Variants in TTC28 observed in about 807,000 individuals in gnomAD.
The protein encoded by TTC28 is tetratricopeptide repeat domain 28, also known as tetratricopeptide repeat protein 28.
Under a neutral mutation model 198.0 loss-of-function variants are expected in TTC28, and 61 were observed. The observed-to-expected ratio is 0.31, with a 90% CI of 0.25 to 0.38. The LOEUF is 0.38. TTC28 is among the 10% of genes least tolerant of loss of function. The pLI, the probability that TTC28 is intolerant of heterozygous loss-of-function variation, is 1.00. For synonymous variants in TTC28, 1,171 were observed against 1,297.8 expected, an observed-to-expected ratio of 0.90 and a Z score of 2.10; for missense variants, 2,678 against 3,164.0, an observed-to-expected ratio of 0.85 and a Z score of 3.69.
chr22:28,403,780 T>C (rs1311237519), intron 2 of TTC28, among the ~76,000 whole-genome samples: 1 of 152,228 alleles, frequency 6.6e-6, no homozygotes, highest in Non-Finnish European at 1.5e-5. Context: ...CAGGTTTTAC[T>C]CGGTTTCTTG....
intron 6 of TTC28, among the ~76,000 whole-genome samples, chr22:28,124,877 T>G (rs1942877487): frequency 6.6e-6 from 1 of 152,176 alleles, no homozygotes; most frequent in African/African-American, 2.4e-5. Context: ...TCCTATAGGT[T>G]CCCCAATTCA....
At chr22:28,461,770 C>G (rs2047954189) in intron 2 of TTC28, among the ~76,000 whole-genome samples, 1 of 152,172 alleles carries the variant, frequency 6.6e-6, no homozygotes, top group Non-Finnish European at 1.5e-5. Flanking sequence ...CCTATCCTCT[C>G]TCACCAATCC....
At chr22:28,425,088 AAC>A (rs1245516492) in intron 2 of TTC28, among the ~76,000 whole-genome samples, 1 of 152,222 alleles carries the variant, frequency 6.6e-6, no homozygotes, top group East Asian at 1.9e-4. Context: ...ACATTTCTAA[AAC>A]ACAGTTCTTT....
chr22:28,015,607 G>A (rs56358816), intron 13 of TTC28, among the ~76,000 whole-genome samples: 2 of 139,282 alleles, frequency 1.4e-5, no homozygotes, highest in Non-Finnish European at 3.1e-5. Context: ...ATTTTTTTTT[G>A]TAGAGATGGG....
intron 3 of TTC28, among the ~76,000 whole-genome samples, chr22:28,301,068 T>G: frequency 6.8e-6 from 1 of 147,730 alleles, no homozygotes; most frequent in African/African-American, 2.7e-5. Flanking sequence ...TTTAAAAATT[T>G]TTTACTATCA....
chr22:28,613,415 T>C (rs192965878), intron 2 of TTC28, among the ~76,000 whole-genome samples: 25 of 152,002 alleles, frequency 1.6e-4, no homozygotes, highest in African/African-American at 5.6e-4. Context: ...TTCCAAACAA[T>C]AGAAAAAGAG....
At chr22:28,659,553 T>C (rs533918854) in intron 1 of TTC28, among the ~76,000 whole-genome samples, 1 of 151,934 alleles carries the variant, frequency 6.6e-6, no homozygotes, top group South Asian at 2.1e-4. Flanking sequence ...CAGGTCAAAA[T>C]TACTATTTAT....
At chr22:28,017,707 T>C (rs894449990) in intron 13 of TTC28, among the ~76,000 whole-genome samples, 2 of 152,126 alleles carry the variant, frequency 1.3e-5, no homozygotes, top group African/African-American at 4.8e-5. Context: ...GCAGTACCTC[T>C]TACCTCTTTA....
intron 8 of TTC28, among the ~76,000 whole-genome samples, chr22:28,102,391 C>G (rs1269871322): frequency 1.3e-5 from 2 of 152,226 alleles, no homozygotes; most frequent in Non-Finnish European, 2.9e-5. Flanking sequence ...AGCCTTCAGG[C>G]AGGCACCTGC....
At chr22:28,186,267 A>G (rs879687850) in intron 5 of TTC28, among the ~76,000 whole-genome samples, 10 of 152,272 alleles carry the variant, frequency 6.6e-5, no homozygotes, top group Non-Finnish European at 1.3e-4. Context: ...CAACCTGCCC[A>G]TAAGTGTAGA....
intron 5 of TTC28, among the ~76,000 whole-genome samples, chr22:28,238,063 T>C (rs780910972): frequency 6.6e-6 from 1 of 152,188 alleles, no homozygotes; most frequent in Non-Finnish European, 1.5e-5. Flanking sequence ...AGTTTGATTA[T>C]GTTGTGCCTA....
intron 12 of TTC28, among the ~76,000 whole-genome samples, chr22:28,088,018 C>T (rs1941675607): frequency 6.6e-6 from 1 of 152,102 alleles, no homozygotes; most frequent in Non-Finnish European, 1.5e-5. Context: ...AAAGAGGATA[C>T]AAACAAATGG....
chr22:28,267,723 C>T (rs1430731394), intron 5 of TTC28, among the ~76,000 whole-genome samples: 4 of 152,066 alleles, frequency 2.6e-5, no homozygotes, highest in Admixed American at 6.6e-5. Context: ...ATGAATTAAA[C>T]CTGCAGTACC....
chr22:28,333,141 C>T (rs1246635483), intron 2 of TTC28, among the ~76,000 whole-genome samples: 3 of 152,068 alleles, frequency 2.0e-5, no homozygotes, highest in Non-Finnish European at 4.4e-5. Flanking sequence ...TTTTAAATTA[C>T]AAGAACCGAT....
intron 2 of TTC28, among the ~76,000 whole-genome samples, chr22:28,439,298 C>T (rs1293577029): frequency 6.6e-6 from 1 of 152,166 alleles, no homozygotes; most frequent in Non-Finnish European, 1.5e-5. Context: ...ACTCTAAATG[C>T]TCCAAGAATT....
In TTC28 at chr22:28,187,200, C is replaced by T. The variant is rs988772028; in HGVS notation, c.934-23601G>A. On this transcript the variant is annotated intron_variant, in intron 5 of 22. Coordinates refer to ENST00000397906, the MANE Select transcript of TTC28 (RefSeq NM_001145418.2). ...AAGAGTGAGAGGAACTATCATTGAC[C>T]GAGGGTAAGAGGTTAAGGTTAACTT... 6.6e-5 allele frequency among the ~76,000 whole-genome samples: 10 copies of T among 152,032 alleles called. No homozygotes were observed. The South Asian group carries it at 8.3e-4, about 13-fold the overall frequency.
chr22:28,558,788 T>C (rs1041960315), intron 2 of TTC28, among the ~76,000 whole-genome samples: 1 of 152,176 alleles, frequency 6.6e-6, no homozygotes, highest in African/African-American at 2.4e-5. Context: ...CCCAGCACTT[T>C]GGGAGGCCAA....
chr22:28,016,031 C>G (rs1008687789), intron 13 of TTC28, among the ~76,000 whole-genome samples: 1 of 152,156 alleles, frequency 6.6e-6, no homozygotes, highest in African/African-American at 2.4e-5. Context: ...TCCCAGTGAT[C>G]TTGGCAATGC....
chr22:28,115,641 G>A (rs1942609412), intron 6 of TTC28, among the ~76,000 whole-genome samples: 1 of 152,260 alleles, frequency 6.6e-6, no homozygotes. Flanking sequence ...CACCTCTGGA[G>A]AACTCTTGCG....
Sources: allele counts gnomAD v4.1 joint callset (sites outside exome capture counted in the v4.1 genomes callset), GRCh38; gene constraint gnomAD v4.1.1; transcripts MANE v1.5; gene names NCBI Gene and HGNC (gene_info 2026-07-23, HGNC 2026-07-21).